Variants in FAM149B1 observed in about 807,000 individuals in gnomAD.
The protein encoded by FAM149B1 is family with sequence similarity 149 member B1.
A neutral mutation model predicts 75.3 loss-of-function variants in FAM149B1; 56 were observed. The ratio of observed to expected loss-of-function variants is 0.74; its 90% CI spans 0.60 to 0.93. The LOEUF (loss-of-function observed/expected upper bound fraction) is 0.93. FAM149B1 is among the 40% of genes least tolerant of loss of function. The pLI is 0.00. For missense variants in FAM149B1, 639 were observed against 708.4 expected (o/e 0.90, Z 1.11); for synonymous variants, 259 against 256.1 (o/e 1.01, Z -0.11).
chr10:73,243,331 A>C lies in FAM149B1; in HGVS notation c.*2312A>C. 1 of 1,579,112 alleles carries C rather than the reference A, an allele frequency of 6.3e-7. No homozygotes were observed. ...AGAGCTGAATTGACTTTTGCCTTCA[A>C]ATCCTGCCTGCACCTTGCCTACGAT... On this transcript the variant is annotated 3_prime_UTR_variant, in exon 14 of 14. Coordinates refer to ENST00000242505, the MANE Select transcript of FAM149B1 (RefSeq NM_173348.2).
rs1040168973 is a variant in FAM149B1, at chr10:73,182,694, CAT to C, written c.282+4720_282+4721del. The stretch of plus-strand genomic sequence containing the variant: ...TTGAAAGCCAGCATCAGCTGCCAGA[CAT>C]GTGAGTAAATGAGCATTAAGATGTT... On this transcript the variant is annotated intron_variant, in intron 3 of 13. Transcript: ENST00000242505. Among the ~76,000 whole-genome samples, 9 of 152,330 alleles carry C rather than the reference CAT, an allele frequency of 5.9e-5. No individual in the cohort carries two copies. In the East Asian group the frequency reaches 1.7e-3, roughly 29 times the overall value.
intron 5 of FAM149B1, among the ~76,000 whole-genome samples, chr10:73,205,030 G>A (rs1487795272): frequency 8.3e-6 from 1 of 120,918 alleles, no homozygotes; most frequent in East Asian, 2.5e-4. Context: ...AGCCAGGATG[G>A]TCTCAATCTC....
intron 2 of FAM149B1, among the ~76,000 whole-genome samples, chr10:73,176,863 C>T (rs964314298): frequency 5.3e-5 from 8 of 152,084 alleles, no homozygotes; most frequent in African/African-American, 1.4e-4. Flanking sequence ...CCCGTCTCTA[C>T]TAAAAATACA....
At chr10:73,176,199 C>A (rs1013744852) in intron 2 of FAM149B1, among the ~76,000 whole-genome samples, 1 of 152,026 alleles carries the variant, frequency 6.6e-6, no homozygotes, top group African/African-American at 2.4e-5. Context: ...CCCTTGCATG[C>A]GCAGTTTGTG....
At chr10:73,187,798 G>A (rs1037898704) in intron 3 of FAM149B1, among the ~76,000 whole-genome samples, 13 of 150,988 alleles carry the variant, frequency 8.6e-5, no homozygotes, top group African/African-American at 3.2e-4. Flanking sequence ...TCAGAACAGT[G>A]TGGGCAGGGC....
At chr10:73,214,802 TG>T (rs112974730) in intron 7 of FAM149B1, among the ~76,000 whole-genome samples, 15,579 of 152,216 alleles carry the variant, frequency 0.1, 1,163 homozygotes, top group East Asian at 0.31. Flanking sequence ...AGAGTTATAC[TG>T]GCCTCATAGA....
chr10:73,235,485 T>A, intron 12 of FAM149B1, 167 bp downstream of exon 12: 1 of 1,407,364 alleles, frequency 7.1e-7, no homozygotes, highest in Non-Finnish European at 9.3e-7. Context: ...AAATTCTAAC[T>A]AGTCCCTGAT....
At position 73,243,958 on chromosome 10, in the gene FAM149B1, G is replaced by C; in HGVS notation, c.*2939G>C. The C allele has an allele frequency of 6.3e-7, 1 of 1,584,560 alleles. No homozygotes were observed. Among genetic ancestry groups the C allele is most frequent in the Non-Finnish European group, 8.6e-7 (1 of 1,160,896 alleles). On this transcript the variant is annotated 3_prime_UTR_variant, in exon 14 of 14. Coordinates refer to ENST00000242505, the MANE Select transcript of FAM149B1 (RefSeq NM_173348.2). ...AAACAGGAACTCACATGAGACTCAG[G>C]GCCACCAGGAAATGCTTAAAATACA...
intron 6 of FAM149B1, among the ~76,000 whole-genome samples, chr10:73,209,532 A>C (rs2043142493): frequency 6.6e-6 from 1 of 152,230 alleles, no homozygotes; most frequent in African/African-American, 2.4e-5. Flanking sequence ...TTTTATAATT[A>C]ATAATGTCTA....
intron 10 of FAM149B1, 25 bp downstream of exon 10, chr10:73,233,188 G>C (rs1234975989): frequency 6.8e-7 from 1 of 1,469,188 alleles, no homozygotes; most frequent in African/African-American, 1.4e-5. Flanking sequence ...CAGAACTTCT[G>C]GAAACCGTGG....
At chr10:73,232,591 T>C (rs2043731431) in intron 9 of FAM149B1, among the ~76,000 whole-genome samples, 1 of 152,214 alleles carries the variant, frequency 6.6e-6, no homozygotes, top group African/African-American at 2.4e-5. Context: ...AATCAGCCCC[T>C]GTGGCAAATT....
chr10:73,197,755 C>T (rs762084862), intron 5 of FAM149B1, among the ~76,000 whole-genome samples: 13 of 150,830 alleles, frequency 8.6e-5, no homozygotes, highest in South Asian at 4.2e-4. Context: ...GGTGACAGAG[C>T]GAGACTGTCT....
intron 1 of FAM149B1, among the ~76,000 whole-genome samples, chr10:73,172,663 C>T (rs540837411): frequency 3.2e-4 from 48 of 152,262 alleles, no homozygotes; most frequent in African/African-American, 1.2e-3. Context: ...TATTGATTGA[C>T]CCCATAGATT....
chr10:73,198,734 GGCGGAGGTTGCAGTGA>G (rs1227931113), intron 5 of FAM149B1, among the ~76,000 whole-genome samples: 1 of 152,184 alleles, frequency 6.6e-6, no homozygotes, highest in African/African-American at 2.4e-5. Flanking sequence ...GAACCCAGGA[GGCGGAGGTTGCAGTGA>G]GTCGAGTTCG....
At position 73,243,421 on chromosome 10, in the gene FAM149B1, A is replaced by G. The variant is rs1451045434; in HGVS notation, c.*2402A>G. The G allele has an allele frequency of 3.1e-6, 5 of 1,613,932 alleles. No homozygotes were observed. In the South Asian group the frequency reaches 5.5e-5, roughly 18 times the overall value. ...TCCATTATTTCTTTTCTTTCTTGAG[A>G]GCAGATTTTTTCCCTCCTCCTTTGG... On this transcript the variant is annotated 3_prime_UTR_variant, in exon 14 of 14. Coordinates refer to ENST00000242505, the MANE Select transcript of FAM149B1 (RefSeq NM_173348.2).
At chr10:73,212,833 TTC>T (rs931995366) in intron 7 of FAM149B1, among the ~76,000 whole-genome samples, 2 of 151,386 alleles carry the variant, frequency 1.3e-5, no homozygotes, top group East Asian at 3.9e-4. Context: ...CATGTCCTGT[TTC>T]TCTCTCTCAC....
In FAM149B1 at chr10:73,192,642, T is replaced by C. The variant is rs1401719920; in HGVS notation, c.369T>C (p.His123=). 5.2e-6 allele frequency: 8 copies of C among 1,551,396 alleles called. No individual in the cohort carries two copies. Among genetic ancestry groups the C allele is most frequent in the Non-Finnish European group, 5.2e-6 (6 of 1,146,942 alleles). The part of the protein sequence containing the change: ...ELLYEQKLSV[H]TKSLQEECQQ... ...TGTATGAGCAGAAGTTGAGTGTGCA[T>C]ACCAAGAGTCTACAAGAAGAGTGCC... The change falls in exon 4 of 14, where the codon CAT becomes CAC. Residue 123 remains histidine (H), a synonymous_variant. Transcript: ENST00000242505.
chr10:73,222,844 A>C (rs2043448684), intron 7 of FAM149B1, among the ~76,000 whole-genome samples: 1 of 152,190 alleles, frequency 6.6e-6, no homozygotes, highest in Admixed American at 6.5e-5. Flanking sequence ...ATTGAATCAC[A>C]GCTTGCCAAG....
intron 6 of FAM149B1, among the ~76,000 whole-genome samples, chr10:73,209,079 C>T (rs1365331395): frequency 2.0e-5 from 3 of 152,164 alleles, no homozygotes; most frequent in South Asian, 2.1e-4. Context: ...CAAATTACCA[C>T]CAGTGGGAAC....
Sources: gnomAD v4.1 joint callset for allele counts (sites outside exome capture counted in the v4.1 genomes callset) on GRCh38, gnomAD v4.1.1 for gene constraint, MANE v1.5 for transcripts, NCBI Gene and HGNC (gene_info 2026-07-23, HGNC 2026-07-21) for gene names.